Variants in PLD2 observed in about 807,000 individuals in gnomAD.
PLD2 encodes the protein choline phosphatase 2.
A neutral mutation model predicts 119.8 loss-of-function variants in PLD2; 101 were observed. That is an observed-to-expected ratio of 0.84 (90% CI 0.72 to 0.99). PLD2 has a LOEUF of 0.99. Ranked by LOEUF, PLD2 falls within the 50% of genes least tolerant of loss-of-function variation. The pLI, the probability that PLD2 is intolerant of heterozygous loss-of-function variation, is 0.00. For missense variants in PLD2, 1,164 were observed against 1,226.8 expected, an observed-to-expected ratio of 0.95 and a Z score of 0.76; for synonymous variants, 494 against 482.8, an observed-to-expected ratio of 1.02 and a Z score of -0.30.
Position 4,810,895 on chromosome 17 carries a change from A to G in PLD2, c.954A>G (p.Leu318=). The part of the protein sequence containing the change: ...ELAQGPGRDF[L]QLHRHDSYAP... ...CACAGGGCCCAGGCAGAGACTTCCT[A>G]CAGCTGCACCGGCATGACAGCTACG... The change falls in exon 10 of 25, where the codon CTA becomes CTG. Residue 318 remains leucine (L), a synonymous_variant. Transcript: ENST00000263088. 1.2e-6 allele frequency: 2 copies of G among 1,613,826 alleles called. No individual in the cohort carries two copies. The highest frequency in any genetic ancestry group is 1.7e-5 in the Admixed American group (1 of 60,000).
chr17:4,808,029 T>C lies in PLD2; in HGVS notation c.155T>C (p.Leu52Pro). The C allele has an allele frequency of 3.1e-6, 5 of 1,612,898 alleles. No individual in the cohort carries two copies. Among genetic ancestry groups the C allele is most frequent in the South Asian group, 1.1e-5 (1 of 91,028 alleles). ...CTGGCCATCTATGAGCTTCAGTCTC[T>C]GAAAGTGCACCCCTTGGTGTTCGCA... ...PFLAIYELQS[L>P]KVHPLVFAPG... is the part of the protein sequence containing the mutation. The change falls in exon 3 of 25, where the codon CTG becomes CCG. Residue 52 changes from leucine to proline, a missense_variant. Coordinates refer to ENST00000263088, the MANE Select transcript of PLD2 (RefSeq NM_002663.5). This position sits in a 1 kb window ranked among gnomAD's most constrained non-coding sequence, Gnocchi z 4.1.
chr17:4,822,814 C>T lies in PLD2; in HGVS notation c.2752C>T (p.Pro918Ser), dbSNP rs374916808. The stretch of plus-strand genomic sequence containing the variant: ...GTTCCTAGAGGATGAGTCTTTGCTG[C>T]CCCCGCTGGGTAGCAAGGAGGGCAT... ...LKFLEDESLL[P>S]PLGSKEGMIP... is the part of the protein sequence containing the mutation. Residue 918 changes from proline to serine, a missense_variant, in exon 25 of 25, where the codon CCC becomes TCC. By Grantham distance (74) the Pro-to-Ser change is moderately conservative (BLOSUM62 -1). Transcript: ENST00000263088. The T allele has an allele frequency of 1.1e-5, 17 of 1,613,176 alleles. No individual in the cohort carries two copies. The highest frequency in any genetic ancestry group is 1.6e-4 in the Middle Eastern group (1 of 6,082).
intron 17 of PLD2, 37 bp downstream of exon 17, chr17:4,817,296 C>T (rs1250877252): frequency 7.6e-7 from 1 of 1,311,024 alleles, no homozygotes; most frequent in Admixed American, 1.7e-5. Context: ...TCCCCTTTGT[C>T]TCCTTCAGCC....
At chr17:4,821,968 A>C in intron 24 of PLD2, 61 bp downstream of exon 24, 1 of 1,055,572 alleles carries the variant, frequency 9.5e-7, no homozygotes, top group Non-Finnish European at 1.5e-6. Flanking sequence ...TATCCTGCTC[A>C]GGGTAGGATG....
At position 4,818,567 on chromosome 17, in the gene PLD2, G is replaced by A. The variant is rs762705867; in HGVS notation, c.2083G>A (p.Gly695Ser). 35 of 1,613,866 alleles carry A rather than the reference G, an allele frequency of 2.2e-5. No individual in the cohort carries two copies. Among genetic ancestry groups the A allele is most frequent in the Admixed American group, 6.7e-5 (4 of 59,986 alleles). Residue 695 changes from glycine to serine, a missense_variant, in exon 20 of 25, where the codon GGT becomes AGT. Coordinates refer to ENST00000263088, the MANE Select transcript of PLD2 (RefSeq NM_002663.5). Reference sequence around the variant, plus strand: ...CTTCGAGGGTGACATCTCCACGGGCGGTGGCAACTCCATCCAGGCCATTCT... The same window carrying A: ...CTTCGAGGGTGACATCTCCACGGGCAGTGGCAACTCCATCCAGGCCATTCT... ...PGFEGDISTG[G>S]GNSIQAILHF... is the part of the protein sequence containing the mutation.
chr17:4,822,648 C>T lies in PLD2; in HGVS notation c.2586C>T (p.Arg862=). The T allele has an allele frequency of 6.2e-7, 1 of 1,605,618 alleles. No individual in the cohort carries two copies. Among genetic ancestry groups the T allele is most frequent in the South Asian group, 1.1e-5 (1 of 90,932 alleles). ...CATGCCCCCGCCCACAGATCTTCCG[C>T]TGCCTGCCATCCAATGCCACGCGTT... is the stretch of plus-strand genomic sequence containing the variant. ...SNANIYEQIF[R]CLPSNATRSL... The change falls in exon 25 of 25, where the codon CGC becomes CGT. Residue 862 remains arginine (R), a synonymous_variant. Coordinates refer to ENST00000263088, the MANE Select transcript of PLD2 (RefSeq NM_002663.5).
rs1045649478 is a variant in PLD2 at position 4,819,809 on chromosome 17, C to T, written c.2462+227C>T. ...GGTCAGGATTTTGAGACCAGCCTGG[C>T]TAACATAGTGAAACCCGTCTCTACT... On this transcript the variant is annotated intron_variant, in intron 23 of 24. Coordinates refer to ENST00000263088, the MANE Select transcript of PLD2 (RefSeq NM_002663.5). This position sits in a 1 kb window ranked among gnomAD's most constrained non-coding sequence, Gnocchi z 4.2. Among the ~76,000 whole-genome samples the T allele has an allele frequency of 2.1e-4, 32 of 152,028 alleles. No individual in the cohort carries two copies. Among genetic ancestry groups the T allele is most frequent in the African/African-American group, 6.0e-4 (25 of 41,408 alleles).
intron 9 of PLD2, 77 bp from the exon 10 acceptor site, chr17:4,810,725 G>GA (rs1906368374): frequency 8.7e-6 from 7 of 802,608 alleles, no homozygotes; most frequent in Non-Finnish European, 1.2e-5. Flanking sequence ...GGGAGGAAGT[G>GA]GGAAAGGGGA....
intron 24 of PLD2, 92 bp from the exon 25 acceptor site, chr17:4,822,548 G>A (rs1907787798): frequency 1.3e-6 from 1 of 796,910 alleles, no homozygotes; most frequent in Middle Eastern, 3.7e-4. Context: ...GGTATGGAGA[G>A]ATGGTATGGG....
At chr17:4,810,163 C>T in intron 9 of PLD2, 134 bp downstream of exon 9, 2 of 893,740 alleles carry the variant, frequency 2.2e-6, no homozygotes, top group Non-Finnish European at 3.4e-6. Flanking sequence ...TAGTTTTGAA[C>T]CAGGAACTGG....
At chr17:4,815,661 C>T (rs1447712612) in intron 13 of PLD2, 75 bp downstream of exon 13, 101 of 1,590,630 alleles carry the variant, frequency 6.3e-5, no homozygotes, top group Non-Finnish European at 8.4e-5. Flanking sequence ...AGCGCTCCCG[C>T]TCCCTGATGG....
Position 4,819,871 on chromosome 17 carries a change from G to A in PLD2, c.2462+289G>A, listed in dbSNP as rs181196007. On this transcript the variant is annotated intron_variant, in intron 23 of 24. Coordinates refer to ENST00000263088, the MANE Select transcript of PLD2 (RefSeq NM_002663.5). The surrounding 1 kb of genome is among the most constrained non-coding windows in gnomAD (Gnocchi z 4.2). ...AAATCAGCTGGGTGTGGTGGCGGGCGCCTGTGATCCCAGCTACTAGGACTA... is the reference window on the plus strand; with the variant it reads ...AAATCAGCTGGGTGTGGTGGCGGGCACCTGTGATCCCAGCTACTAGGACTA... 3.4e-4 allele frequency among the ~76,000 whole-genome samples: 52 copies of A among 152,266 alleles called. No homozygotes were observed. Among genetic ancestry groups the A allele is most frequent in the Middle Eastern group, 3.4e-3 (1 of 294 alleles).
Position 4,822,817 on chromosome 17 carries a change from C to G in PLD2, c.2755C>G (p.Pro919Ala). 8 of 1,613,100 alleles carry G rather than the reference C, an allele frequency of 5.0e-6. No individual in the cohort carries two copies. Among genetic ancestry groups the G allele is most frequent in the Non-Finnish European group, 6.8e-6 (8 of 1,179,126 alleles). The change falls in exon 25 of 25, where the codon CCG (proline) becomes GCG (alanine). Residue 919 changes from proline (P) to alanine (A), a missense_variant. Coordinates refer to ENST00000263088, the MANE Select transcript of PLD2 (RefSeq NM_002663.5). ...KFLEDESLLP[P>A]LGSKEGMIPL... The stretch of plus-strand genomic sequence containing the variant: ...CCTAGAGGATGAGTCTTTGCTGCCC[C>G]CGCTGGGTAGCAAGGAGGGCATGAT...
rs1198050845 is a variant in PLD2 at position 4,816,062 on chromosome 17, C to T, written c.1455+128C>T. On this transcript the variant is annotated intron_variant, in intron 14 of 24. Coordinates refer to ENST00000263088, the MANE Select transcript of PLD2 (RefSeq NM_002663.5). Reference sequence around the variant, plus strand: ...CCAACCTCAGGGTTCCTCAGACTTTCTGGGACTCCAAGAACCCACTTTGAA... The same window carrying T: ...CCAACCTCAGGGTTCCTCAGACTTTTTGGGACTCCAAGAACCCACTTTGAA... 1.1e-5 allele frequency: 8 copies of T among 734,768 alleles called. No individual in the cohort carries two copies. In the East Asian group the frequency reaches 2.0e-4, roughly 18 times the overall value. The allele number at this position is 734,768 out of a possible 1,614,324, so 45.5% of individuals were successfully genotyped here. A position where few individuals can be genotyped will look rare whatever the true frequency, so the allele number is the denominator to read the frequency against.
intron 5 of PLD2, 45 bp downstream of exon 5, chr17:4,809,250 A>C: frequency 3.7e-6 from 6 of 1,611,574 alleles, no homozygotes; most frequent in Non-Finnish European, 5.1e-6. Flanking sequence ...TGGAGGTGCA[A>C]ATGGCTCGGT....
rs913494663 is a variant in PLD2, at chr17:4,808,945, C to T, written c.384-155C>T. Among the ~76,000 whole-genome samples the T allele has an allele frequency of 2.6e-5, 4 of 152,096 alleles. No homozygotes were observed. Among genetic ancestry groups the T allele is most frequent in the Admixed American group, 1.3e-4 (2 of 15,266 alleles). On this transcript the variant is annotated intron_variant, in intron 4 of 24. Transcript: ENST00000263088. This position sits in a 1 kb window ranked among gnomAD's most constrained non-coding sequence, Gnocchi z 4.1. ...CTGAGCTCAAGTGATCCACCTGCTG[C>T]GGCCTCCCCAAGTGCTGGGATTCCA...
intron 7 of PLD2, 56 bp downstream of exon 7, chr17:4,809,607 C>T: frequency 6.2e-7 from 1 of 1,608,814 alleles, no homozygotes; most frequent in African/African-American, 1.3e-5. Context: ...TTAATTTCTC[C>T]CTGCCTGAGA....
chr17:4,820,472 T>C (rs556315685), intron 23 of PLD2, among the ~76,000 whole-genome samples: 188 of 147,458 alleles, frequency 1.3e-3, no homozygotes, highest in Non-Finnish European at 1.6e-3. Flanking sequence ...TTCGCTGTGT[T>C]GGCCAGGCTG....
At position 4,810,004 on chromosome 17, in the gene PLD2, G is replaced by A. The variant is rs771887423; in HGVS notation, c.835G>A (p.Gly279Ser). Reference sequence around the variant, plus strand: ...GAAAAGGAGCACGGAGGCACGGCACGGCGTGCGGATCGATACCTCCCACAG... The same window carrying A: ...GAAAAGGAGCACGGAGGCACGGCACAGCGTGCGGATCGATACCTCCCACAG... ...VGKRSTEARHGVRIDTSHRSL... is the reference protein window; with the variant it reads ...VGKRSTEARHSVRIDTSHRSL... The change falls in exon 9 of 25, where the codon GGC becomes AGC. Residue 279 changes from glycine (G) to serine (S), a missense_variant. Transcript: ENST00000263088. 8.1e-6 allele frequency: 13 copies of A among 1,613,384 alleles called. No individual in the cohort carries two copies. The highest frequency in any genetic ancestry group is 2.7e-5 in the African/African-American group (2 of 74,912).
Sources: gnomAD v4.1 joint callset for allele counts (sites outside exome capture counted in the v4.1 genomes callset) on GRCh38, gnomAD v4.1.1 for gene constraint, Gnocchi (gnomAD v3.1) non-coding constraint, MANE v1.5 for transcripts, NCBI Gene and HGNC (gene_info 2026-07-23, HGNC 2026-07-21) for gene names.